Variants in KCNIP1 observed in about 807,000 individuals in gnomAD.
KCNIP1 encodes the protein A-type potassium channel modulatory protein KCNIP1.
KCNIP1 carries 18 observed loss-of-function variants against 33.0 expected under a neutral mutation model. The ratio of observed to expected loss-of-function variants is 0.55; its 90% CI spans 0.38 to 0.81. The LOEUF (loss-of-function observed/expected upper bound fraction) is 0.81. KCNIP1 is among the 30% of genes least tolerant of loss of function. KCNIP1 has a pLI of 0.00. For synonymous variants in KCNIP1, 93 were observed against 98.3 expected (o/e 0.95, Z 0.32); for missense variants, 238 against 271.6 (o/e 0.88, Z 0.87).
intron 1 of KCNIP1, among the ~76,000 whole-genome samples, chr5:170,367,326 AGAAAGAAG>A (rs1432600063): frequency 7.0e-6 from 1 of 141,892 alleles, no homozygotes; most frequent in Non-Finnish European, 1.5e-5. Flanking sequence ...AAAAAAAAGA[AGAAAGAAG>A]GAAAGAAGGA....
intron 1 of KCNIP1, chr5:170,383,049 A>G (rs1332473045): frequency 6.5e-6 from 1 of 152,812 alleles, no homozygotes; most frequent in African/African-American, 2.4e-5. Context: ...AGAAGGAAAG[A>G]AAGAAGGAAG....
chr5:170,400,004 T>A (rs1214140567), intron 1 of KCNIP1, among the ~76,000 whole-genome samples: 2 of 152,202 alleles, frequency 1.3e-5, no homozygotes, highest in African/African-American at 4.8e-5. Flanking sequence ...CACACCTCTG[T>A]TCTGTTGGTG....
intron 5 of KCNIP1, among the ~76,000 whole-genome samples, chr5:170,724,960 T>A (rs1390801252): frequency 6.6e-6 from 1 of 152,120 alleles, no homozygotes; most frequent in Non-Finnish European, 1.5e-5. Context: ...GCAGTTGATA[T>A]GGGAATGCAA....
intron 1 of KCNIP1, among the ~76,000 whole-genome samples, chr5:170,485,529 GA>G (rs1365705830): frequency 6.6e-6 from 1 of 152,182 alleles, no homozygotes; most frequent in African/African-American, 2.4e-5. Flanking sequence ...GGGTCATGAG[GA>G]TTCATAAACC....
rs57173351 is a variant in KCNIP1, at chr5:170,726,745, C to CAAAAA, written c.435+3940_435+3944dup. ...CGAGACACTGTCTCTACTAAAAATA[C>CAAAAA]AAAAAAAAAAAAAAAAAAAGCCAGA... On this transcript the variant is annotated intron_variant, in intron 5 of 7. Transcript: ENST00000328939. Among the ~76,000 whole-genome samples, 284 of 56,682 alleles carry CAAAAA rather than the reference C, an allele frequency of 5.0e-3. 2 individuals are homozygous for CAAAAA. The highest frequency in any genetic ancestry group is 0.017 in the African/African-American group (251 of 14,614). 37.2% of individuals were successfully genotyped at this position (56,682 alleles called of 152,430 possible).
At chr5:170,442,540 G>A (rs1756017850) in intron 1 of KCNIP1, among the ~76,000 whole-genome samples, 1 of 152,234 alleles carries the variant, frequency 6.6e-6, no homozygotes, top group South Asian at 2.1e-4. Context: ...TTTCTCCAGG[G>A]AAAGGCCTTC....
chr5:170,417,353 AACTC>A (rs1416412766), intron 1 of KCNIP1, among the ~76,000 whole-genome samples: 1 of 152,224 alleles, frequency 6.6e-6, no homozygotes, highest in Admixed American at 6.5e-5. Flanking sequence ...ATAAGAAAGA[AACTC>A]AATAAAAGTT....
At chr5:170,493,683 T>C (rs1466940509) in intron 1 of KCNIP1, among the ~76,000 whole-genome samples, 1 of 152,188 alleles carries the variant, frequency 6.6e-6, no homozygotes, top group Middle Eastern at 3.2e-3. Flanking sequence ...AACAAAGTCA[T>C]GTGTTAAGAG....
At chr5:170,381,518 A>G (rs1764239503) in intron 1 of KCNIP1, among the ~76,000 whole-genome samples, 1 of 152,222 alleles carries the variant, frequency 6.6e-6, no homozygotes, top group Admixed American at 6.5e-5. Flanking sequence ...TATGATGGAC[A>G]TAGGCGGAAG....
At chr5:170,689,427 A>G (rs1383440937) in intron 1 of KCNIP1, among the ~76,000 whole-genome samples, 1 of 152,200 alleles carries the variant, frequency 6.6e-6, no homozygotes, top group African/African-American at 2.4e-5. Context: ...AGATACTACT[A>G]TAGTCTCCAT....
intron 1 of KCNIP1, among the ~76,000 whole-genome samples, chr5:170,571,984 T>C (rs886918153): frequency 1.3e-5 from 2 of 152,212 alleles, no homozygotes; most frequent in African/African-American, 4.8e-5. Flanking sequence ...ATATCTCTAC[T>C]ATAAGACAAA....
intron 1 of KCNIP1, among the ~76,000 whole-genome samples, chr5:170,416,928 T>A (rs2113418553): frequency 6.6e-6 from 1 of 152,338 alleles, no homozygotes; most frequent in African/African-American, 2.4e-5. Context: ...TTAAATAATA[T>A]CCTCTTTTTA....
chr5:170,467,203 G>A (rs1756626434), intron 1 of KCNIP1, among the ~76,000 whole-genome samples: 1 of 152,144 alleles, frequency 6.6e-6, no homozygotes, highest in African/African-American at 2.4e-5. Flanking sequence ...TGAGTCAGAG[G>A]TAGACAGGAA....
At chr5:170,548,500 C>A (rs1285690854) in intron 1 of KCNIP1, among the ~76,000 whole-genome samples, 1 of 152,130 alleles carries the variant, frequency 6.6e-6, no homozygotes, top group Non-Finnish European at 1.5e-5. Context: ...AGGTAACAAC[C>A]CAAGTTCATT....
chr5:170,550,584 G>T (rs1386072027), intron 1 of KCNIP1, among the ~76,000 whole-genome samples: 1 of 151,594 alleles, frequency 6.6e-6, no homozygotes, highest in Non-Finnish European at 1.5e-5. Context: ...TGGTGATGAT[G>T]ATGGCAATGA....
At chr5:170,637,952 A>G (rs778886852) in intron 1 of KCNIP1, among the ~76,000 whole-genome samples, 107 of 148,850 alleles carry the variant, frequency 7.2e-4, no homozygotes, top group Non-Finnish European at 2.1e-4. Flanking sequence ...TGGGGACTCC[A>G]GGGGAAAGAT....
At chr5:170,488,844 A>G (rs2113194415) in intron 1 of KCNIP1, among the ~76,000 whole-genome samples, 1 of 152,228 alleles carries the variant, frequency 6.6e-6, no homozygotes, top group Middle Eastern at 3.4e-3. Context: ...CCTGCAGAGG[A>G]CCCAGAGAAG....
At chr5:170,492,086 A>G (rs1239828732) in intron 1 of KCNIP1, among the ~76,000 whole-genome samples, 1 of 152,200 alleles carries the variant, frequency 6.6e-6, no homozygotes. Context: ...CTAACTATCC[A>G]GAGTTAGCAG....
At chr5:170,623,967 C>T (rs1369791293) in intron 1 of KCNIP1, among the ~76,000 whole-genome samples, 2 of 152,210 alleles carry the variant, frequency 1.3e-5, no homozygotes, top group Non-Finnish European at 2.9e-5. Flanking sequence ...AAGGAACCGA[C>T]TCCCTGAGGC....
Sources: gnomAD v4.1 joint callset for allele counts (sites outside exome capture counted in the v4.1 genomes callset) on GRCh38, gnomAD v4.1.1 for gene constraint, MANE v1.5 for transcripts, NCBI Gene and HGNC (gene_info 2026-07-23, HGNC 2026-07-21) for gene names.